Variants in KDM4C observed in about 807,000 individuals in gnomAD.
KDM4C encodes lysine demethylase 4C, also known as lysine-specific demethylase 4C.
In KDM4C, 81 loss-of-function variants were observed where a neutral mutation model predicts 129.3. That is an observed-to-expected ratio of 0.63 (90% confidence interval 0.52 to 0.75). KDM4C has a LOEUF of 0.75. Ranked by LOEUF, KDM4C falls within the 30% of genes least tolerant of loss-of-function variation. The pLI is 0.00. For synonymous variants in KDM4C, 573 were observed against 456.1 expected, an observed-to-expected ratio of 1.26 and a Z score of -3.26; for missense variants, 1,457 against 1,304.0, an observed-to-expected ratio of 1.12 and a Z score of -1.81.
intron 1 of KDM4C, among the ~76,000 whole-genome samples, chr9:6,775,272 C>T (rs1822763942): frequency 6.6e-6 from 1 of 152,086 alleles, no homozygotes. Context: ...CTGCCTCGGC[C>T]TCCCAAAGTG....
chr9:6,829,786 A>G (rs1834505383), intron 4 of KDM4C, among the ~76,000 whole-genome samples: 1 of 152,220 alleles, frequency 6.6e-6, no homozygotes, highest in Non-Finnish European at 1.5e-5. Flanking sequence ...CCTTGCCTGC[A>G]GGTTTACAGA....
chr9:7,113,590 C>A (rs1008807223), intron 18 of KDM4C, among the ~76,000 whole-genome samples: 1 of 152,148 alleles, frequency 6.6e-6, no homozygotes, highest in African/African-American at 2.4e-5. Context: ...TTGAGGAGAG[C>A]CACTGCAAAC....
intron 17 of KDM4C, among the ~76,000 whole-genome samples, chr9:7,067,378 G>T (rs1832571297): frequency 6.6e-6 from 1 of 152,214 alleles, no homozygotes; most frequent in Non-Finnish European, 1.5e-5. Context: ...ACATGTGGCG[G>T]GTGGCAGCCC....
intron 4 of KDM4C, among the ~76,000 whole-genome samples, chr9:6,841,201 A>G (rs2129837059): frequency 6.6e-6 from 1 of 152,216 alleles, no homozygotes; most frequent in Middle Eastern, 3.4e-3. Flanking sequence ...CTTGAATTTC[A>G]AAAATTTTTA....
intron 10 of KDM4C, 111 bp downstream of exon 10, chr9:6,984,515 T>C (rs1222299909): frequency 1.8e-5 from 13 of 718,970 alleles, no homozygotes; most frequent in Middle Eastern, 4.1e-4. Flanking sequence ...CATAGCTTAA[T>C]CAGTAATCTA....
intron 15 of KDM4C, among the ~76,000 whole-genome samples, chr9:7,046,504 A>C (rs2132525688): frequency 6.6e-6 from 1 of 152,134 alleles, no homozygotes; most frequent in Non-Finnish European, 1.5e-5. Context: ...TCGTGTGTGC[A>C]TTCTCTGCTC....
intron 8 of KDM4C, among the ~76,000 whole-genome samples, chr9:6,951,832 G>A (rs1405599535): frequency 6.6e-6 from 1 of 152,120 alleles, no homozygotes; most frequent in Non-Finnish European, 1.5e-5. Context: ...TGTGAATTGG[G>A]TATGAAGTCA....
intron 1 of KDM4C, among the ~76,000 whole-genome samples, chr9:6,761,002 C>CT (rs34391703): frequency 0.28 from 36,227 of 129,226 alleles, 5,961 homozygotes; most frequent in African/African-American, 0.41. Flanking sequence ...TCCTGGATGT[C>CT]TTTTTTTTTT....
chr9:6,905,503 A>G (rs532438310), intron 8 of KDM4C, among the ~76,000 whole-genome samples: 1 of 152,210 alleles, frequency 6.6e-6, no homozygotes, highest in Non-Finnish European at 1.5e-5. Context: ...TTTGTTTAGA[A>G]TATCAGAGAG....
chr9:6,924,464 T>TG (rs1178362870), intron 8 of KDM4C, among the ~76,000 whole-genome samples: 1 of 152,198 alleles, frequency 6.6e-6, no homozygotes, highest in African/African-American at 2.4e-5. Context: ...CTGTTGGACT[T>TG]GCCTCACACC....
At chr9:7,109,320 G>T (rs973822248) in intron 18 of KDM4C, among the ~76,000 whole-genome samples, 26 of 152,074 alleles carry the variant, frequency 1.7e-4, no homozygotes, top group African/African-American at 5.8e-4. Flanking sequence ...CAAAATCAAG[G>T]TCAACAGTAC....
intron 17 of KDM4C, among the ~76,000 whole-genome samples, chr9:7,098,241 T>C (rs757867672): frequency 1.3e-5 from 2 of 152,242 alleles, no homozygotes; most frequent in Non-Finnish European, 2.9e-5. Context: ...TGGCCACCTC[T>C]GTCCATTTTT....
chr9:7,022,637 CTT>C (rs375675040), intron 15 of KDM4C, among the ~76,000 whole-genome samples: 11,640 of 133,894 alleles, frequency 0.087, 780 homozygotes, highest in African/African-American at 0.2. Context: ...CCCTTTATTT[CTT>C]TTTTTTTTTT....
intron 5 of KDM4C, among the ~76,000 whole-genome samples, chr9:6,879,353 A>G (rs1430222881): frequency 1.3e-5 from 2 of 152,214 alleles, no homozygotes; most frequent in African/African-American, 2.4e-5. Context: ...GGAACTAGAA[A>G]TGAGTATTTC....
chr9:6,865,906 AC>A, intron 5 of KDM4C, among the ~76,000 whole-genome samples: 1 of 151,898 alleles, frequency 6.6e-6, no homozygotes, highest in Admixed American at 6.6e-5. Context: ...GCCCGCCACC[AC>A]CATGCCTGGC....
chr9:7,033,304 G>A (rs1481287631), intron 15 of KDM4C, among the ~76,000 whole-genome samples: 1 of 152,302 alleles, frequency 6.6e-6, no homozygotes, highest in South Asian at 2.1e-4. Flanking sequence ...TGGGCGGGTA[G>A]CCAAGTGGTT....
Position 7,103,723 on chromosome 9 carries a change from T to A in KDM4C, c.2463T>A (p.Ser821=). ...IFCRHRVKRV[S]GACIQCSYGR... is the part of the protein sequence containing the mutation. ...GCAGACACCGGGTTAAGAGGGTCTC[T>A]GGAGCCTGCATCCAGTGTTCCTACG... Residue 821 remains serine (S), a synonymous_variant, in exon 18 of 22, where the codon TCT becomes TCA. Transcript: ENST00000381309. The A allele has an allele frequency of 1.2e-6, 2 of 1,614,026 alleles. No homozygotes were observed. The highest frequency in any genetic ancestry group is 1.7e-6 in the Non-Finnish European group (2 of 1,179,938).
chr9:6,766,064 C>G (rs1031584013), intron 1 of KDM4C, among the ~76,000 whole-genome samples: 1 of 152,144 alleles, frequency 6.6e-6, no homozygotes, highest in Non-Finnish European at 1.5e-5. Flanking sequence ...GCTGGGATTA[C>G]AGGCAATAGC....
At chr9:7,019,285 C>A (rs1824229220) in intron 15 of KDM4C, among the ~76,000 whole-genome samples, 1 of 152,130 alleles carries the variant, frequency 6.6e-6, no homozygotes, top group African/African-American at 2.4e-5. Context: ...ACTTCTTCAG[C>A]AATCAATCTC....
Sources: gnomAD v4.1 joint callset for allele counts (sites outside exome capture counted in the v4.1 genomes callset) on GRCh38, gnomAD v4.1.1 for gene constraint, MANE v1.5 for transcripts, NCBI Gene and HGNC (gene_info 2026-07-23, HGNC 2026-07-21) for gene names.